Variants in HTR4 observed in about 807,000 individuals in gnomAD.
HTR4 encodes the protein 5-hydroxytryptamine receptor 4.
HTR4 carries 16 observed loss-of-function variants against 36.8 expected under a neutral mutation model. That is an observed-to-expected ratio of 0.43 (90% CI 0.29 to 0.66). HTR4 has a LOEUF of 0.66. Ranked by LOEUF, HTR4 falls within the 30% of genes least tolerant of loss-of-function variation. The pLI is 0.13. For missense variants in HTR4, 438 were observed against 490.9 expected, an observed-to-expected ratio of 0.89 and a Z score of 1.02; for synonymous variants, 189 against 185.1, an observed-to-expected ratio of 1.02 and a Z score of -0.17.
intron 6 of HTR4, among the ~76,000 whole-genome samples, chr5:148,488,997 AT>A (rs1756290048): frequency 6.6e-6 from 1 of 151,912 alleles, no homozygotes; most frequent in Non-Finnish European, 1.5e-5. Context: ...ACTTTTTTCC[AT>A]TGTTTACCAC....
chr5:148,537,180 T>C (rs1159453767), intron 4 of HTR4, among the ~76,000 whole-genome samples: 1 of 152,152 alleles, frequency 6.6e-6, no homozygotes, highest in Non-Finnish European at 1.5e-5. Flanking sequence ...AAGAAGTTCT[T>C]TGAAACTAAT....
At chr5:148,578,854 C>T (rs944270743) in intron 2 of HTR4, among the ~76,000 whole-genome samples, 25 of 152,064 alleles carry the variant, frequency 1.6e-4, no homozygotes, top group African/African-American at 5.8e-4. Context: ...TTTGCTATAA[C>T]ATATTGGAAA....
At chr5:148,487,872 A>C (rs1340121056) in intron 6 of HTR4, among the ~76,000 whole-genome samples, 3 of 152,210 alleles carry the variant, frequency 2.0e-5, no homozygotes, top group African/African-American at 7.2e-5. Flanking sequence ...CAATAAAATA[A>C]AACATACATT....
intron 5 of HTR4, among the ~76,000 whole-genome samples, chr5:148,463,638 T>C (rs1279492765): frequency 2.6e-5 from 4 of 152,028 alleles, no homozygotes; most frequent in African/African-American, 9.7e-5. Flanking sequence ...TGTCAAGATG[T>C]CAAGGCTTAT....
At chr5:148,536,962 C>T (rs1581441302) in intron 4 of HTR4, among the ~76,000 whole-genome samples, 1 of 152,104 alleles carries the variant, frequency 6.6e-6, no homozygotes, top group Non-Finnish European at 1.5e-5. Flanking sequence ...ATGGCACATA[C>T]TCTTAAATCA....
intron 2 of HTR4, among the ~76,000 whole-genome samples, chr5:148,568,390 C>T (rs1217709892): frequency 3.3e-5 from 5 of 152,038 alleles, no homozygotes; most frequent in African/African-American, 9.7e-5. Flanking sequence ...ATTAATTAAC[C>T]TATAAATCAA....
At chr5:148,505,029 A>T (rs1466178262) in intron 6 of HTR4, among the ~76,000 whole-genome samples, 3 of 152,226 alleles carry the variant, frequency 2.0e-5, no homozygotes, top group Non-Finnish European at 4.4e-5. Flanking sequence ...AAAATCCAGG[A>T]TCAGATGGAT....
At chr5:148,520,994 T>C in intron 5 of HTR4, 2 of 1,367,574 alleles carry the variant, frequency 1.5e-6, no homozygotes, top group Non-Finnish European at 2.0e-6. Context: ...GACTAAGGGC[T>C]AAGAATGCGG....
At chr5:148,468,564 C>G (rs1362361141) in intron 5 of HTR4, among the ~76,000 whole-genome samples, 5 of 152,178 alleles carry the variant, frequency 3.3e-5, no homozygotes, top group Non-Finnish European at 7.3e-5. Context: ...CTCTGTGTCA[C>G]AACAGTTGGG....
chr5:148,545,006 G>T (rs1205011441), intron 4 of HTR4, among the ~76,000 whole-genome samples: 1 of 152,194 alleles, frequency 6.6e-6, no homozygotes, highest in African/African-American at 2.4e-5. Context: ...CTGTGCTTTG[G>T]CCCAGCCCAG....
At chr5:148,459,464 C>T (rs976994475) in intron 5 of HTR4, among the ~76,000 whole-genome samples, 5 of 152,128 alleles carry the variant, frequency 3.3e-5, no homozygotes, top group African/African-American at 1.2e-4. Flanking sequence ...CCCAGCTGAC[C>T]TTGGGGGAAG....
chr5:148,469,693 C>T (rs546100857), intron 5 of HTR4, among the ~76,000 whole-genome samples: 1 of 152,158 alleles, frequency 6.6e-6, no homozygotes, highest in Non-Finnish European at 1.5e-5. Context: ...TCCAATTATC[C>T]CAGCTTCCTG....
chr5:148,581,093 C>T (rs1156256950), intron 2 of HTR4, among the ~76,000 whole-genome samples: 1 of 151,742 alleles, frequency 6.6e-6, no homozygotes, highest in African/African-American at 2.4e-5. Flanking sequence ...TTGCATTGCC[C>T]TGATGATTAG....
intron 5 of HTR4, among the ~76,000 whole-genome samples, chr5:148,470,672 G>T (rs1755546310): frequency 6.6e-6 from 1 of 152,128 alleles, no homozygotes; most frequent in African/African-American, 2.4e-5. Context: ...GCTGTAGTTT[G>T]CTAACTCTTG....
At chr5:148,613,279 C>T (rs903224518) in intron 2 of HTR4, among the ~76,000 whole-genome samples, 1 of 131,248 alleles carries the variant, frequency 7.6e-6, no homozygotes, top group Non-Finnish European at 1.6e-5. Flanking sequence ...CAAAAATCCT[C>T]AATAAAATAC....
At chr5:148,496,462 C>CGCTAA (rs1405146060) in intron 6 of HTR4, among the ~76,000 whole-genome samples, 1 of 151,960 alleles carries the variant, frequency 6.6e-6, no homozygotes, top group Non-Finnish European at 1.5e-5. Context: ...ACACAGAGAG[C>CGCTAA]GCTAAAAGAA....
rs529628140 is a variant in HTR4, at chr5:148,499,264, A to T, written c.1076+10192T>A. On this transcript the variant is annotated intron_variant, in intron 6 of 6. Transcript: ENST00000377888. ...AGGGCTCTCAAATATAGTAACAAAC[A>T]TTCTTTTCTGGAATAATGTTAGGTT... 1.1e-4 allele frequency among the ~76,000 whole-genome samples: 17 copies of T among 152,286 alleles called. No individual in the cohort carries two copies. In the South Asian group the frequency reaches 3.5e-3, roughly 32 times the overall value.
intron 2 of HTR4, among the ~76,000 whole-genome samples, chr5:148,596,947 CAG>C (rs1761802455): frequency 6.6e-6 from 1 of 152,096 alleles, no homozygotes; most frequent in Non-Finnish European, 1.5e-5. Context: ...GCCAAGAAGG[CAG>C]AGAGTTGAGT....
At chr5:148,644,617 C>T (rs1285113752) in intron 1 of HTR4, 10 of 151,944 alleles carry the variant, frequency 6.6e-5, no homozygotes, top group Admixed American at 5.9e-4. Flanking sequence ...TATTAAGACA[C>T]TGAAGCTTAA....
Sources: allele counts gnomAD v4.1 joint callset (sites outside exome capture counted in the v4.1 genomes callset), GRCh38; gene constraint gnomAD v4.1.1; transcripts MANE v1.5; gene names NCBI Gene and HGNC (gene_info 2026-07-23, HGNC 2026-07-21).